Variants in ARHGAP12 observed in about 807,000 individuals in gnomAD.
The protein encoded by ARHGAP12 is Rho GTPase activating protein 12.
ARHGAP12 carries 64 observed loss-of-function variants against 108.6 expected under a neutral mutation model. The ratio of observed to expected loss-of-function variants is 0.59; its 90% CI spans 0.48 to 0.73. ARHGAP12 has a LOEUF of 0.73. ARHGAP12 is among the 30% of genes least tolerant of loss of function. ARHGAP12 has a pLI of 0.00. For missense variants in ARHGAP12, 940 were observed against 1,005.9 expected (o/e 0.93, Z 0.89); for synonymous variants, 312 against 337.2 (o/e 0.93, Z 0.82).
chr10:31,819,906 C>T (rs1835344741), intron 12 of ARHGAP12, among the ~76,000 whole-genome samples: 1 of 151,020 alleles, frequency 6.6e-6, no homozygotes. Flanking sequence ...GTAACTAATA[C>T]AGATCATATA....
chr10:31,908,288 T>A lies in ARHGAP12; in HGVS notation c.568A>T (p.Lys190Ter). 1 of 1,614,066 alleles carries A rather than the reference T, an allele frequency of 6.2e-7. No individual in the cohort carries two copies. Among genetic ancestry groups the A allele is most frequent in the Non-Finnish European group, 8.5e-7 (1 of 1,180,024 alleles). Residue 190 changes from lysine (K) to a stop codon, truncating the protein, a stop_gained, in exon 3 of 20, where the codon AAA becomes TAA. Transcript: ENST00000344936. LOFTEE classifies it high-confidence loss of function. ...GATTGTTCCTGGGAGAAGCTAGTTT[T>A]CTCTACATCCAAGAACTCTGGACCG... ...FPGPEFLDVE[K>*]TSFSQEQSCD...
intron 10 of ARHGAP12, among the ~76,000 whole-genome samples, chr10:31,828,329 G>A (rs1835701180): frequency 2.0e-5 from 3 of 151,174 alleles, no homozygotes; most frequent in Admixed American, 2.0e-4. Context: ...TCTTTCAATA[G>A]ATGAGTAGTC....
intron 3 of ARHGAP12, among the ~76,000 whole-genome samples, chr10:31,877,386 T>G (rs1264134322): frequency 2.0e-5 from 3 of 152,228 alleles, no homozygotes; most frequent in African/African-American, 7.2e-5. Context: ...ATAACATTTT[T>G]CTAATTACCT....
intron 3 of ARHGAP12, among the ~76,000 whole-genome samples, chr10:31,886,718 T>C (rs1274495870): frequency 2.0e-5 from 3 of 152,206 alleles, no homozygotes; most frequent in African/African-American, 7.2e-5. Flanking sequence ...TCTTTGGTTA[T>C]CTGCTCTCCC....
Position 31,809,288 on chromosome 10 carries a change from TATCCC to T in ARHGAP12, c.2065_2069del (p.Gly689IlefsTer20). 1 of 1,613,930 alleles carries T rather than the reference TATCCC, an allele frequency of 6.2e-7. No individual in the cohort carries two copies. Among genetic ancestry groups the T allele is most frequent in the Non-Finnish European group, 8.5e-7 (1 of 1,179,824 alleles). On this transcript the variant is annotated frameshift_variant, in exon 17 of 20. Coordinates refer to ENST00000344936, the MANE Select transcript of ARHGAP12 (RefSeq NM_018287.7). LOFTEE classifies it high-confidence loss of function. ...CTGCGAGGTTGCCACTTACTCTGTA[TATCCC>T]ATCAATATCCAAACCTAAGAGACAA...
chr10:31,906,795 A>G (rs1366186883), intron 3 of ARHGAP12, among the ~76,000 whole-genome samples: 10 of 152,234 alleles, frequency 6.6e-5, no homozygotes, highest in Admixed American at 2.6e-4. Flanking sequence ...GTACATAAAT[A>G]TAAAATGTAA....
intron 6 of ARHGAP12, among the ~76,000 whole-genome samples, chr10:31,846,607 T>C (rs1228939647): frequency 2.0e-5 from 3 of 152,170 alleles, no homozygotes; most frequent in African/African-American, 7.2e-5. Flanking sequence ...AAAGGTAAAG[T>C]GTTGTTTCAC....
intron 6 of ARHGAP12, among the ~76,000 whole-genome samples, chr10:31,843,961 CTA>C (rs1270822067): frequency 1.3e-5 from 2 of 152,090 alleles, no homozygotes; most frequent in African/African-American, 2.4e-5. Context: ...TAAATATTAA[CTA>C]TCATAATTTA....
At chr10:31,888,810 G>C (rs944094484) in intron 3 of ARHGAP12, among the ~76,000 whole-genome samples, 5 of 152,290 alleles carry the variant, frequency 3.3e-5, no homozygotes, top group African/African-American at 1.2e-4. Context: ...GGAAAAAAAG[G>C]TTAAGAAAAA....
At chr10:31,887,868 A>G (rs1392490828) in intron 3 of ARHGAP12, among the ~76,000 whole-genome samples, 1 of 152,016 alleles carries the variant, frequency 6.6e-6, no homozygotes, top group Admixed American at 6.6e-5. Flanking sequence ...CATGTTAGCC[A>G]GGATGGTCTC....
chr10:31,909,912 AAGG>A (rs1305484415), intron 2 of ARHGAP12, among the ~76,000 whole-genome samples: 3 of 152,028 alleles, frequency 2.0e-5, no homozygotes, highest in African/African-American at 4.8e-5. Context: ...AAAAGAAAAA[AAGG>A]AGGAGATTTA....
intron 12 of ARHGAP12, among the ~76,000 whole-genome samples, chr10:31,819,722 G>C (rs933683170): frequency 6.6e-6 from 1 of 152,080 alleles, no homozygotes. Flanking sequence ...TAGCCATGAG[G>C]TCACTTGAGA....
chr10:31,850,612 G>A (rs112551157), intron 6 of ARHGAP12, among the ~76,000 whole-genome samples: 1,830 of 152,196 alleles, frequency 0.012, 38 homozygotes, highest in African/African-American at 0.042. Context: ...ATCTTATTAT[G>A]TTTATCTCCT....
intron 1 of ARHGAP12, among the ~76,000 whole-genome samples, chr10:31,915,665 G>A (rs554997036): frequency 1.1e-3 from 162 of 152,096 alleles, no homozygotes; most frequent in African/African-American, 3.5e-3. Flanking sequence ...ATTCCACTAC[G>A]TATATATACT....
chr10:31,884,127 C>T (rs947209826), intron 3 of ARHGAP12, among the ~76,000 whole-genome samples: 1 of 148,788 alleles, frequency 6.7e-6, no homozygotes, highest in Non-Finnish European at 1.5e-5. Flanking sequence ...TTTAATTCTA[C>T]GTATGGTTAA....
intron 3 of ARHGAP12, among the ~76,000 whole-genome samples, chr10:31,883,926 G>C (rs1385587219): frequency 6.6e-6 from 1 of 151,488 alleles, no homozygotes; most frequent in Non-Finnish European, 1.5e-5. Context: ...TGTTGCCCAG[G>C]TTGGTGTTGA....
chr10:31,905,610 G>A (rs80279308), intron 3 of ARHGAP12, among the ~76,000 whole-genome samples: 1,996 of 151,674 alleles, frequency 0.013, 39 homozygotes, highest in African/African-American at 0.046. Context: ...AGCTGAAGAA[G>A]AGCTTTACTA....
At chr10:31,864,615 C>T (rs1040189014) in intron 3 of ARHGAP12, among the ~76,000 whole-genome samples, 1 of 152,040 alleles carries the variant, frequency 6.6e-6, no homozygotes, top group Admixed American at 6.6e-5. Context: ...CAAAAGTATG[C>T]AAACATGTAT....
intron 3 of ARHGAP12, among the ~76,000 whole-genome samples, chr10:31,889,512 T>A (rs1478978093): frequency 2.6e-5 from 4 of 152,148 alleles, no homozygotes; most frequent in African/African-American, 9.7e-5. Context: ...TTTCTAAAAA[T>A]GTTTTTAATA....
Sources: allele counts gnomAD v4.1 joint callset (sites outside exome capture counted in the v4.1 genomes callset), GRCh38; gene constraint gnomAD v4.1.1; transcripts MANE v1.5; gene names NCBI Gene and HGNC (gene_info 2026-07-23, HGNC 2026-07-21).